POU2AF1: variants seen among roughly 807,000 people sequenced by gnomAD.
POU2AF1 encodes the protein POU class 2 homeobox associating factor 1.
Under a neutral mutation model 26.3 loss-of-function variants are expected in POU2AF1, and 12 were observed. That is an observed-to-expected ratio of 0.46 (90% CI 0.29 to 0.74). POU2AF1 has a LOEUF of 0.74. POU2AF1 is among the 30% of genes least tolerant of loss of function. The pLI is 0.09. For synonymous variants in POU2AF1, 175 were observed against 148.0 expected, an observed-to-expected ratio of 1.18 and a Z score of -1.32; for missense variants, 297 against 334.5, an observed-to-expected ratio of 0.89 and a Z score of 0.87.
At chr11:111,375,431 C>T (rs1344161435) in intron 1 of POU2AF1, among the ~76,000 whole-genome samples, 2 of 118,134 alleles carry the variant, frequency 1.7e-5, no homozygotes, top group African/African-American at 6.5e-5. Context: ...GAGTCTCGCT[C>T]TGTACCCCAG....
intron 1 of POU2AF1, among the ~76,000 whole-genome samples, chr11:111,362,766 G>C (rs920967713): frequency 6.6e-6 from 1 of 152,132 alleles, no homozygotes; most frequent in Non-Finnish European, 1.5e-5. Context: ...GGGTTACTTG[G>C]GGGGGTCTGA....
At chr11:111,379,047 CTCCCCCCGTGG>C in intron 1 of POU2AF1, 104 bp downstream of exon 1, 2 of 1,269,494 alleles carry the variant, frequency 1.6e-6, no homozygotes, top group South Asian at 1.2e-5. Flanking sequence ...CCCAGACCCC[CTCCCCCCGTGG>C]CCCCATCACC....
chr11:111,366,752 C>G (rs1457158375), intron 1 of POU2AF1, among the ~76,000 whole-genome samples: 1 of 152,130 alleles, frequency 6.6e-6, no homozygotes, highest in Admixed American at 6.5e-5. Context: ...ACCCAGGGGA[C>G]ACTCTTAAAG....
In POU2AF1 at chr11:111,358,400, A is replaced by T. The variant is rs555797993; in HGVS notation, c.147+388T>A. ...CTCTCTCACACACACTCCCTCACACACATACTCTCTCACACACACGCTCAC... is the reference window on the plus strand; with the variant it reads ...CTCTCTCACACACACTCCCTCACACTCATACTCTCTCACACACACGCTCAC... On this transcript the variant is annotated intron_variant, in intron 2 of 4. Coordinates refer to ENST00000393067, the MANE Select transcript of POU2AF1 (RefSeq NM_006235.3). Among the ~76,000 whole-genome samples the T allele has an allele frequency of 8.8e-3, 786 of 89,400 alleles. 17 individuals are homozygous for T. Among genetic ancestry groups the T allele is most frequent in the African/African-American group, 0.026 (732 of 28,396 alleles). 58.6% of individuals were successfully genotyped at this position (89,400 alleles called of 152,430 possible). A position where few individuals can be genotyped will look rare whatever the true frequency, so the allele number is the denominator to read the frequency against.
Position 111,354,051 on chromosome 11 carries a change from G to A in POU2AF1, c.*210C>T. 2.0e-6 allele frequency: 1 copy of A among 507,226 alleles called. No homozygotes were observed. The highest frequency in any genetic ancestry group is 3.4e-6 in the Non-Finnish European group (1 of 297,864). The allele number at this position is 507,226 out of a possible 1,614,324, so 31.4% of individuals were successfully genotyped here. On this transcript the variant is annotated 3_prime_UTR_variant, in exon 5 of 5. Coordinates refer to ENST00000393067, the MANE Select transcript of POU2AF1 (RefSeq NM_006235.3). ...GGTTGGAAAGGAAGAAGGGAGGGAG[G>A]GGAAGAATGGAAGGATGGGGGAGAG...
Position 111,353,479 on chromosome 11 carries a change from T to G in POU2AF1, c.*782A>C. 1 of 222,948 alleles carries G rather than the reference T, an allele frequency of 4.5e-6. No individual in the cohort carries two copies. Among genetic ancestry groups the G allele is most frequent in the Non-Finnish European group, 8.9e-6 (1 of 111,870 alleles). 13.8% of individuals were successfully genotyped at this position (222,948 alleles called of 1,614,324 possible). A position where few individuals can be genotyped will look rare whatever the true frequency, so the allele number is the denominator to read the frequency against. On this transcript the variant is annotated 3_prime_UTR_variant, in exon 5 of 5. Transcript: ENST00000393067. Reference sequence around the variant, plus strand: ...ATGTTCTTTTCTCCCTGCCACCCACTTCCCACCCCTTACTACTCTGAGCCC... The same window carrying G: ...ATGTTCTTTTCTCCCTGCCACCCACGTCCCACCCCTTACTACTCTGAGCCC...
At chr11:111,375,385 A>C (rs1208653955) in intron 1 of POU2AF1, among the ~76,000 whole-genome samples, 1 of 102,218 alleles carries the variant, frequency 9.8e-6, no homozygotes, top group Non-Finnish European at 2.0e-5. Flanking sequence ...CAGGATACTG[A>C]GTATCTTTTT....
chr11:111,356,202 G>T (rs900709451), intron 4 of POU2AF1, among the ~76,000 whole-genome samples: 1 of 152,270 alleles, frequency 6.6e-6, no homozygotes, highest in Non-Finnish European at 1.5e-5. Context: ...CCTTGGTAAT[G>T]AAATGGGTGG....
Position 111,357,427 on chromosome 11 carries a change from T to C in POU2AF1, c.456+18A>G. 6 of 1,614,154 alleles carry C rather than the reference T, an allele frequency of 3.7e-6. No homozygotes were observed. The highest frequency in any genetic ancestry group is 5.1e-6 in the Non-Finnish European group (6 of 1,180,006). On this transcript the variant is annotated intron_variant, in intron 4 of 4. Coordinates refer to ENST00000393067, the MANE Select transcript of POU2AF1 (RefSeq NM_006235.3). ...CACTCAGCATGGGCGGGTGCAGTCC[T>C]GCCTTTGTGTGACATACCGTGACAT...
In POU2AF1 at chr11:111,354,355, G is replaced by A. The variant is rs1183286104; in HGVS notation, c.677C>T (p.Ala226Val). Residue 226 changes from alanine to valine, a missense_variant, in exon 5 of 5, where the codon GCC (alanine) becomes GTC (valine). Ala to Val is a moderately conservative substitution (Grantham distance 64). Transcript: ENST00000393067. ...VLQDMEDPRR[A>V]ASSLTIDKLL... ...CTTGTCGATGGTCAACGAGCTGGCG[G>A]CTCTTCTGGGGTCTTCCATGTCCTG... The A allele has an allele frequency of 1.9e-6, 3 of 1,614,106 alleles. No homozygotes were observed. Among genetic ancestry groups the A allele is most frequent in the African/African-American group, 2.7e-5 (2 of 74,944 alleles).
At chr11:111,361,099 T>C (rs1439900218) in intron 1 of POU2AF1, among the ~76,000 whole-genome samples, 2 of 152,130 alleles carry the variant, frequency 1.3e-5, no homozygotes, top group South Asian at 2.1e-4. Flanking sequence ...GAACAAGAGA[T>C]CTCTACTGGT....
intron 1 of POU2AF1, among the ~76,000 whole-genome samples, chr11:111,377,335 G>A (rs866042205): frequency 4.9e-4 from 75 of 151,902 alleles, no homozygotes; most frequent in African/African-American, 1.8e-3. Flanking sequence ...AGCCGAGATC[G>A]CGCCACTGCA....
intron 1 of POU2AF1, 136 bp downstream of exon 1, chr11:111,379,026 G>A (rs1861368370): frequency 1.6e-5 from 6 of 377,854 alleles, no homozygotes; most frequent in Non-Finnish European, 2.5e-5. Context: ...TCCCTGCTCC[G>A]GGGCTTGGAA....
At position 111,358,829 on chromosome 11, in the gene POU2AF1, G is replaced by A. The variant is rs1265820674; in HGVS notation, c.106C>T (p.Arg36Ter). ...EPVKELLRRK[R>*]GHASSGAAPA... ...GCTGCCCCACTGCTGGCGTGGCCTC[G>A]CTTCCTCCTCAGCAGTTCCTTCACT... Residue 36 changes from arginine (R) to a stop codon, truncating the protein, a stop_gained, in exon 2 of 5, where the codon CGA becomes TGA. Coordinates refer to ENST00000393067, the MANE Select transcript of POU2AF1 (RefSeq NM_006235.3). LOFTEE classifies it high-confidence loss of function. 1.9e-6 allele frequency: 3 copies of A among 1,607,780 alleles called. No individual in the cohort carries two copies. Among genetic ancestry groups the A allele is most frequent in the African/African-American group, 1.3e-5 (1 of 74,990 alleles).
intron 1 of POU2AF1, among the ~76,000 whole-genome samples, chr11:111,372,063 C>CAGAGAGAGAGAGAG (rs1403903602): frequency 6.9e-6 from 1 of 144,750 alleles, no homozygotes; most frequent in African/African-American, 2.7e-5. Flanking sequence ...CACACACACA[C>CAGAGAGAGAGAGAG]ACACACAGAG....
chr11:111,374,551 C>A (rs952563604), intron 1 of POU2AF1, among the ~76,000 whole-genome samples: 2 of 152,156 alleles, frequency 1.3e-5, no homozygotes, highest in African/African-American at 4.8e-5. Context: ...GCAAAATTAG[C>A]TGGGCATTGT....
At chr11:111,368,738 G>T (rs1861153113) in intron 1 of POU2AF1, among the ~76,000 whole-genome samples, 1 of 152,244 alleles carries the variant, frequency 6.6e-6, no homozygotes, top group Non-Finnish European at 1.5e-5. Flanking sequence ...CTTATCACCT[G>T]TGTGACTCTT....
chr11:111,358,785 C>T lies in POU2AF1; in HGVS notation c.147+3G>A. On this transcript the variant is annotated splice_donor_region_variant and intron_variant, in intron 2 of 4. Coordinates refer to ENST00000393067, the MANE Select transcript of POU2AF1 (RefSeq NM_006235.3). Reference sequence around the variant, plus strand: ...TCACACTCTCACACACACAAACTCTCACCGCCGTAGGTGCAGGTGCTGCCC... The same window carrying T: ...TCACACTCTCACACACACAAACTCTTACCGCCGTAGGTGCAGGTGCTGCCC... 2 of 1,581,178 alleles carry T rather than the reference C, an allele frequency of 1.3e-6. No homozygotes were observed. Among genetic ancestry groups the T allele is most frequent in the Non-Finnish European group, 1.7e-6 (2 of 1,167,682 alleles).
intron 1 of POU2AF1, among the ~76,000 whole-genome samples, chr11:111,359,723 A>C (rs374654636): frequency 5.9e-4 from 90 of 152,352 alleles, no homozygotes; most frequent in African/African-American, 2.1e-3. Context: ...TTTTTGATGG[A>C]AGTGTCTTAT....
Sources: allele counts gnomAD v4.1 joint callset (sites outside exome capture counted in the v4.1 genomes callset), GRCh38; gene constraint gnomAD v4.1.1; transcripts MANE v1.5; gene names NCBI Gene and HGNC (gene_info 2026-07-23, HGNC 2026-07-21).